Variants in NEO1 observed in about 807,000 individuals in gnomAD.
NEO1 encodes neogenin.
NEO1 carries 63 observed loss-of-function variants against 159.7 expected under a neutral mutation model. The ratio of observed to expected loss-of-function variants is 0.39; its 90% confidence interval spans 0.32 to 0.49. The LOEUF (loss-of-function observed/expected upper bound fraction) is 0.49, where lower values mean the gene tolerates loss of function less well. Among genes scored for constraint, NEO1 ranks in the 20% least tolerant of loss-of-function variants. The probability of loss-of-function intolerance (pLI) is 0.85; values close to 1 mark genes in which losing one functional copy is unlikely to be tolerated. For missense variants in NEO1, 1,615 were observed against 1,831.0 expected (o/e 0.88, Z 2.15); for synonymous variants, 633 against 662.0 (o/e 0.96, Z 0.67).
At chr15:73,080,192 G>A (rs905982554) in intron 1 of NEO1, among the ~76,000 whole-genome samples, 1 of 152,052 alleles carries the variant, frequency 6.6e-6, no homozygotes, top group African/African-American at 2.4e-5. Flanking sequence ...TCTGTGCTTT[G>A]CTCTCTTGTT....
chr15:73,288,552 G>GTACC lies in NEO1; in HGVS notation c.3649+2_3649+5dup, dbSNP rs1217799356. ...CATCAAAGGCGAAATTCATACAGAG[G>GTACC]TACCATTTTAAGTGCAGGTTTTTTC... is the stretch of plus-strand genomic sequence containing the variant. On this transcript the variant is annotated splice_donor_variant, in intron 24 of 28. Transcript: ENST00000261908. LOFTEE classifies it high-confidence loss of function. 1 of 1,609,030 alleles carries GTACC rather than the reference G, an allele frequency of 6.2e-7. No homozygotes were observed.
chr15:73,288,763 G>C (rs2042047930), intron 24 of NEO1, among the ~76,000 whole-genome samples: 1 of 152,148 alleles, frequency 6.6e-6, no homozygotes, highest in South Asian at 2.1e-4. Context: ...CAATCTTGCA[G>C]ATCTTTTAGG....
chr15:73,137,472 C>G (rs976435947), intron 5 of NEO1, among the ~76,000 whole-genome samples: 3 of 151,920 alleles, frequency 2.0e-5, no homozygotes, highest in African/African-American at 7.3e-5. Flanking sequence ...ACAGGGTCTC[C>G]CTCTGTTGCC....
chr15:73,287,247 T>G (rs1022526639), intron 23 of NEO1, among the ~76,000 whole-genome samples: 6 of 152,248 alleles, frequency 3.9e-5, no homozygotes, highest in African/African-American at 1.4e-4. Context: ...CCACCTGGAA[T>G]GCACTTTCTG....
chr15:73,300,455 C>T (rs1000315556), intron 27 of NEO1, among the ~76,000 whole-genome samples: 1 of 152,218 alleles, frequency 6.6e-6, no homozygotes, highest in East Asian at 1.9e-4. Context: ...GTTGGCCGGG[C>T]GCGGTGGCTC....
intron 7 of NEO1, among the ~76,000 whole-genome samples, chr15:73,234,795 G>A (rs905621440): frequency 6.6e-6 from 1 of 152,206 alleles, no homozygotes; most frequent in Non-Finnish European, 1.5e-5. Flanking sequence ...ACAAGAACTG[G>A]AAGTCAAGTT....
intron 7 of NEO1, among the ~76,000 whole-genome samples, chr15:73,207,613 A>T (rs375570318): frequency 6.6e-6 from 1 of 152,216 alleles, no homozygotes; most frequent in East Asian, 1.9e-4. Context: ...TTTCTACTTT[A>T]TATGTAATAC....
At chr15:73,273,221 G>A (rs1471493239) in intron 19 of NEO1, among the ~76,000 whole-genome samples, 1 of 152,102 alleles carries the variant, frequency 6.6e-6, no homozygotes, top group Non-Finnish European at 1.5e-5. Flanking sequence ...TTCCTTTGGC[G>A]CCTCTGGCCC....
At chr15:73,187,379 T>C (rs1038566853) in intron 7 of NEO1, among the ~76,000 whole-genome samples, 4 of 152,296 alleles carry the variant, frequency 2.6e-5, no homozygotes, top group African/African-American at 7.2e-5. Flanking sequence ...ATTCTCCTGC[T>C]CCCTGTTTGC....
chr15:73,178,484 C>T, intron 7 of NEO1, 57 bp downstream of exon 7: 1 of 1,584,250 alleles, frequency 6.3e-7, no homozygotes. Flanking sequence ...GAACAAGCAC[C>T]CATCCGTCCA....
Position 73,266,355 on chromosome 15 carries a change from A to C in NEO1, c.2438A>C (p.Asn813Thr). The C allele has an allele frequency of 6.2e-7, 1 of 1,613,808 alleles. No individual in the cohort carries two copies. The highest frequency in any genetic ancestry group is 8.5e-7 in the Non-Finnish European group (1 of 1,179,846). ...SHYVITLKAF[N>T]NVGEGIPLYE... ...TATGTGATTACCCTGAAAGCATTTA[A>C]TAACGTGGGTGAAGGCATCCCCCTG... Residue 813 changes from asparagine (N) to threonine (T), a missense_variant, in exon 16 of 29, where the codon AAT becomes ACT. By Grantham distance (65) the Asn-to-Thr change is moderately conservative. This residue lies in a region of NEO1 where 1,018 missense variants were observed against 1,115.4 expected (regional missense o/e 0.91). Coordinates refer to ENST00000261908, the MANE Select transcript of NEO1 (RefSeq NM_002499.4).
intron 5 of NEO1, among the ~76,000 whole-genome samples, chr15:73,144,213 A>T (rs2032684728): frequency 6.6e-6 from 1 of 152,224 alleles, no homozygotes; most frequent in South Asian, 2.1e-4. Flanking sequence ...TTTATGATTG[A>T]GGTCATAATT....
intron 12 of NEO1, 27 bp downstream of exon 12, chr15:73,253,476 T>C: frequency 6.4e-7 from 1 of 1,554,068 alleles, no homozygotes; most frequent in Non-Finnish European, 8.8e-7. Context: ...CTGCTGTTCA[T>C]TTTTACTGGT....
rs948774194 is a variant in NEO1 at position 73,284,579 on chromosome 15, C to CT, written c.3410+1487dup. On this transcript the variant is annotated intron_variant, in intron 23 of 28. Coordinates refer to ENST00000261908, the MANE Select transcript of NEO1 (RefSeq NM_002499.4). ...TGACCACTGCCTCTTATAGCTCTTC[C>CT]TTTTTTTTTTTTTTTTTTTCTTTTG... Among the ~76,000 whole-genome samples, 1,308 of 137,176 alleles carry CT rather than the reference C, an allele frequency of 9.5e-3. 11 individuals carry two copies. Among genetic ancestry groups the CT allele is most frequent in the African/African-American group, 0.015 (560 of 37,086 alleles). The allele number at this position is 137,176 out of a possible 152,430, so 90.0% of individuals were successfully genotyped here. A position where few individuals can be genotyped will look rare whatever the true frequency, so the allele number is the denominator to read the frequency against.
chr15:73,166,743 G>A (rs924586832), intron 5 of NEO1, among the ~76,000 whole-genome samples: 2 of 152,144 alleles, frequency 1.3e-5, no homozygotes, highest in African/African-American at 2.4e-5. Flanking sequence ...GCTCATGGGT[G>A]TGACTTCTCC....
chr15:73,198,935 T>C (rs1031791764), intron 7 of NEO1, among the ~76,000 whole-genome samples: 2 of 151,472 alleles, frequency 1.3e-5, no homozygotes, highest in Non-Finnish European at 2.9e-5. Flanking sequence ...ATATGATAAA[T>C]TTGTCACAAA....
rs559695201 is a variant in NEO1 at position 73,277,074 on chromosome 15, A to C, written c.3194-1057A>C. Among the ~76,000 whole-genome samples the C allele has an allele frequency of 3.3e-5, 5 of 152,356 alleles. No individual in the cohort carries two copies. The South Asian group carries it at 1.0e-3, about 32-fold the overall frequency. Reference sequence around the variant, plus strand: ...CCATTATTATCCCTGTGTTACAATGAGAAAACTGAGGCCCAAAAAGAATAA... The same window carrying C: ...CCATTATTATCCCTGTGTTACAATGCGAAAACTGAGGCCCAAAAAGAATAA... On this transcript the variant is annotated intron_variant, in intron 21 of 28. Transcript: ENST00000261908.
In NEO1 at chr15:73,114,228, C is replaced by T. The variant is rs973434750; in HGVS notation, c.131-2312C>T. 5.3e-5 allele frequency among the ~76,000 whole-genome samples: 8 copies of T among 152,048 alleles called. No homozygotes were observed. In the East Asian group the frequency reaches 5.8e-4, roughly 11 times the overall value. On this transcript the variant is annotated intron_variant, in intron 1 of 28. Coordinates refer to ENST00000261908, the MANE Select transcript of NEO1 (RefSeq NM_002499.4). ...GGTGGGAATAGCTTGTGTGAAGAGG[C>T]GGGAGCGGTGGGGAACTGACTGGGA...
At chr15:73,052,108 G>A (rs925900454), upstream of NEO1, 1 of 151,286 alleles carries the variant, frequency 6.6e-6, no homozygotes, top group African/African-American at 2.4e-5. Flanking sequence ...GGGTTTCCCT[G>A]ACGCCAGCAG....
Sources: allele counts gnomAD v4.1 joint callset (sites outside exome capture counted in the v4.1 genomes callset), GRCh38; gene constraint gnomAD v4.1.1; regional missense constraint gnomAD v4.1.1; transcripts MANE v1.5; gene names NCBI Gene and HGNC (gene_info 2026-07-23, HGNC 2026-07-21).